The following LINGO2 variants were observed in gnomAD, a reference collection of about 807,000 sequenced individuals.
LINGO2 encodes the protein leucine-rich repeat and immunoglobulin-like domain-containing nogo receptor-interacting protein 2.
In LINGO2, 14 loss-of-function variants were observed where a neutral mutation model predicts 30.6. The ratio of observed to expected loss-of-function variants is 0.46; its 90% CI spans 0.30 to 0.72. LINGO2 has a LOEUF of 0.72. Ranked by LOEUF, LINGO2 falls within the 30% of genes least tolerant of loss-of-function variation. LINGO2 has a pLI of 0.07. For missense variants in LINGO2, 729 were observed against 751.7 expected (o/e 0.97, Z 0.35); for synonymous variants, 317 against 288.5 (o/e 1.10, Z -1.00).
At chr9:28,307,001 C>A (rs1242658549) in intron 3 of LINGO2, among the ~76,000 whole-genome samples, 1 of 151,988 alleles carries the variant, frequency 6.6e-6, no homozygotes, top group Admixed American at 6.6e-5. Flanking sequence ...ACCAGAGGTA[C>A]AAGGAGGAAC....
rs1241513325 is a variant in LINGO2, at chr9:28,661,082, A to G, written c.-365+9118T>C. On this transcript the variant is annotated intron_variant, in intron 1 of 5. Coordinates refer to ENST00000379992, the Ensembl canonical transcript of LINGO2. ...CTACCTCTATCCAGAGGTGGAGTCT[A>G]TTTGTCTATGTCTTGTTTCTGGGAT... 3.9e-5 allele frequency among the ~76,000 whole-genome samples: 6 copies of G among 152,006 alleles called. No homozygotes were observed. In the South Asian group the frequency reaches 6.2e-4, roughly 16 times the overall value.
At chr9:28,307,163 T>C (rs1472640456) in intron 3 of LINGO2, among the ~76,000 whole-genome samples, 5 of 152,132 alleles carry the variant, frequency 3.3e-5, no homozygotes, top group African/African-American at 1.2e-4. Context: ...TGATGAACAT[T>C]GATGCAAAAA....
chr9:28,556,720 G>A (rs1189527314), intron 1 of LINGO2, among the ~76,000 whole-genome samples: 6 of 151,864 alleles, frequency 4.0e-5, no homozygotes, highest in African/African-American at 7.2e-5. Context: ...CAAAGCTGGA[G>A]GCATCACACT....
chr9:28,504,378 G>A (rs1025798644), intron 1 of LINGO2, among the ~76,000 whole-genome samples: 1 of 151,650 alleles, frequency 6.6e-6, no homozygotes, highest in African/African-American at 2.4e-5. Flanking sequence ...AATTCAACTT[G>A]TCATGGTATA....
rs776453933 is a variant in LINGO2 at position 27,950,504 on chromosome 9, G to T, written c.168C>A (p.Pro56=). 6.3e-6 allele frequency: 10 copies of T among 1,593,446 alleles called. No homozygotes were observed. In the Admixed American group the frequency reaches 1.7e-4, roughly 27 times the overall value. The change falls in exon 6 of 6, where the codon CCC becomes CCA. Residue 56 remains proline, a synonymous_variant. Coordinates refer to ENST00000379992, the Ensembl canonical transcript of LINGO2. ...TGAGGTCCAAGATTTTGGTTTCGAT[G>T]GGAATGCCCTCTGGGATGGCGATCA...
At chr9:29,003,066 G>T in the LINGO2 span, among the ~76,000 whole-genome samples, 1 of 152,062 alleles carries the variant, frequency 6.6e-6, no homozygotes. Context: ...GATAGAAAAT[G>T]GAGTGATGCA....
intron 1 of LINGO2, among the ~76,000 whole-genome samples, chr9:28,518,536 G>A (rs1046141626): frequency 1.3e-5 from 2 of 152,090 alleles, no homozygotes; most frequent in Non-Finnish European, 2.9e-5. Flanking sequence ...TAAAACAGGA[G>A]ATAAAAATGT....
the LINGO2 span, among the ~76,000 whole-genome samples, chr9:28,853,505 A>G: frequency 6.6e-6 from 1 of 151,998 alleles, no homozygotes; most frequent in Admixed American, 6.6e-5. Flanking sequence ...TGGGGTTTAA[A>G]TCAAGGTATC....
the LINGO2 span, among the ~76,000 whole-genome samples, chr9:29,030,277 CT>C: frequency 7.5e-6 from 1 of 133,656 alleles, no homozygotes; most frequent in East Asian, 2.6e-4. Context: ...CACTGAAACA[CT>C]GGCCCCAATT....
intron 4 of LINGO2, among the ~76,000 whole-genome samples, chr9:28,043,141 TAGA>T (rs1192861589): frequency 2.6e-5 from 4 of 151,234 alleles, no homozygotes; most frequent in African/African-American, 7.3e-5. Context: ...ACGAGACAGG[TAGA>T]AGATGTCAGT....
chr9:28,396,703 C>CAAAAAAAAAAAAAA (rs60660309), intron 2 of LINGO2, among the ~76,000 whole-genome samples: 28 of 53,114 alleles, frequency 5.3e-4, no homozygotes, highest in South Asian at 2.1e-3. Flanking sequence ...GACTCCATCT[C>CAAAAAAAAAAAAAA]AAAAAAAAAA....
chr9:28,287,199 C>A (rs748577000), intron 4 of LINGO2, among the ~76,000 whole-genome samples: 5 of 152,188 alleles, frequency 3.3e-5, no homozygotes, highest in Non-Finnish European at 5.9e-5. Flanking sequence ...TCTGAAAATA[C>A]ATGACTCAAT....
chr9:28,789,835 A>G, the LINGO2 span, among the ~76,000 whole-genome samples: 1 of 152,158 alleles, frequency 6.6e-6, no homozygotes, highest in Admixed American at 6.5e-5. Flanking sequence ...TAAGACTAAC[A>G]TATTCTCTCA....
intron 4 of LINGO2, among the ~76,000 whole-genome samples, chr9:28,153,287 T>C (rs1258050048): frequency 6.6e-6 from 1 of 152,196 alleles, no homozygotes; most frequent in Non-Finnish European, 1.5e-5. Context: ...TTTTGTCTAA[T>C]TGTGAAGTAT....
chr9:28,656,847 T>C lies in LINGO2; in HGVS notation c.-365+13353A>G, dbSNP rs552289057. 1.4e-4 allele frequency among the ~76,000 whole-genome samples: 22 copies of C among 152,202 alleles called. 1 individual carries two copies. The highest frequency in any genetic ancestry group is 5.1e-4 in the African/African-American group (21 of 41,552). The stretch of plus-strand genomic sequence containing the variant: ...TAATAGATAGTGGTAGAAATAGAGA[T>C]GTCACTTCCCAGACTAGATAATTAA... On this transcript the variant is annotated intron_variant, in intron 1 of 5. Coordinates refer to ENST00000379992, the Ensembl canonical transcript of LINGO2.
the LINGO2 span, among the ~76,000 whole-genome samples, chr9:28,728,902 T>G: frequency 6.6e-6 from 1 of 152,082 alleles, no homozygotes; most frequent in Admixed American, 6.6e-5. Context: ...GAAGGTGCTA[T>G]AACCCAGGGA....
chr9:28,820,970 T>C, the LINGO2 span, among the ~76,000 whole-genome samples: 1 of 152,222 alleles, frequency 6.6e-6, no homozygotes, highest in Non-Finnish European at 1.5e-5. Flanking sequence ...TGCTTTTTGA[T>C]GTTTCTGTCA....
the LINGO2 span, among the ~76,000 whole-genome samples, chr9:28,985,231 G>C: frequency 1.3e-5 from 2 of 152,052 alleles, no homozygotes; most frequent in Non-Finnish European, 2.9e-5. Context: ...GCATTTCATT[G>C]TGTATATATG....
chr9:28,566,585 T>A (rs977164609), intron 1 of LINGO2, among the ~76,000 whole-genome samples: 2 of 152,160 alleles, frequency 1.3e-5, no homozygotes, highest in Non-Finnish European at 1.5e-5. Flanking sequence ...GGGTAATTGA[T>A]GCTTTAGGCC....
Sources: gnomAD v4.1 joint callset for allele counts (sites outside exome capture counted in the v4.1 genomes callset) on GRCh38, gnomAD v4.1.1 for gene constraint, MANE v1.5 for transcripts, NCBI Gene and HGNC (gene_info 2026-07-23, HGNC 2026-07-21) for gene names.